DNAH7: variants seen among roughly 807,000 people sequenced by gnomAD.
DNAH7 encodes the protein axonemal beta dynein heavy chain 7.
In DNAH7, 397 loss-of-function variants were observed where a neutral mutation model predicts 444.6. The observed-to-expected ratio is 0.89, with a 90% CI of 0.82 to 0.97. The LOEUF (loss-of-function observed/expected upper bound fraction) is 0.97, where lower values mean the gene tolerates loss of function less well. Among genes scored for constraint, DNAH7 ranks in the 50% least tolerant of loss-of-function variants. The pLI, the probability that DNAH7 is intolerant of heterozygous loss-of-function variation, is 0.00. For synonymous variants in DNAH7, 1,636 were observed against 1,624.4 expected (o/e 1.01, Z -0.17); for missense variants, 4,902 against 4,800.8 (o/e 1.02, Z -0.62).
At chr2:196,005,737 A>G (rs556171458) in intron 10 of DNAH7, among the ~76,000 whole-genome samples, 1 of 152,312 alleles carries the variant, frequency 6.6e-6, no homozygotes, top group Non-Finnish European at 1.5e-5. Context: ...CAAACCTTCC[A>G]GGAAAAAAAG....
At chr2:195,787,780 G>A (rs1376182992) in intron 57 of DNAH7, among the ~76,000 whole-genome samples, 1 of 152,110 alleles carries the variant, frequency 6.6e-6, no homozygotes, top group Non-Finnish European at 1.5e-5. Context: ...TGCAGCTGGG[G>A]CAGGGTGGAA....
intron 48 of DNAH7, among the ~76,000 whole-genome samples, chr2:195,833,918 C>T (rs1175303577): frequency 6.6e-6 from 1 of 152,066 alleles, no homozygotes; most frequent in Non-Finnish European, 1.5e-5. Context: ...GCACACCTGG[C>T]TAATGTCTGT....
chr2:196,007,919 A>C (rs1358688265), intron 10 of DNAH7, among the ~76,000 whole-genome samples: 2 of 152,202 alleles, frequency 1.3e-5, no homozygotes, highest in African/African-American at 2.4e-5. Context: ...CAACCAAAGA[A>C]AAAACATAAA....
chr2:195,857,697 C>T lies in DNAH7; in HGVS notation c.8094G>A (p.Lys2698=), dbSNP rs1699790466. 8 of 1,608,622 alleles carry T rather than the reference C, an allele frequency of 5.0e-6. No individual in the cohort carries two copies. The highest frequency in any genetic ancestry group is 1.7e-4 in the Middle Eastern group (1 of 6,054). The change falls in exon 44 of 65, where the codon AAG becomes AAA. Residue 2698 remains lysine, a synonymous_variant. Transcript: ENST00000312428. ...AQDITVVKSM[K]SPPAGVKLVM... is the part of the protein sequence containing the mutation. ...CAAGCTTGACACCAGCAGGAGGACT[C>T]TTCATGGATTTTACCACTGTAATAT...
chr2:195,809,730 G>A lies in DNAH7; in HGVS notation c.9888+15C>T. The stretch of plus-strand genomic sequence containing the variant: ...TATTAAGGGTTTTTTTCTTACAAAT[G>A]AAAACAGTACTGACCGCCCGCTCAT... On this transcript the variant is annotated intron_variant, in intron 52 of 64. Transcript: ENST00000312428. 6.6e-7 allele frequency: 1 copy of A among 1,516,286 alleles called. No individual in the cohort carries two copies. Among genetic ancestry groups the A allele is most frequent in the East Asian group, 2.4e-5 (1 of 41,744 alleles). 93.9% of individuals were successfully genotyped at this position (1,516,286 alleles called of 1,614,324 possible).
In DNAH7 at chr2:195,754,338, A is replaced by G. The variant is rs1693963317; in HGVS notation, c.11763T>C (p.Asp3921=). The change falls in exon 63 of 65, where the codon GAT becomes GAC. Residue 3921 remains aspartate (D), a splice_region_variant and synonymous_variant. Transcript: ENST00000312428. ...EDKEYKHPPE[D]GVFIHGLFLD... is the part of the protein sequence containing the mutation. ...GACTCATTCTGTCCCTGCACTTACCATCCTCAGGAGGATGCTTGTATTCTT... is the reference window on the plus strand; with the variant it reads ...GACTCATTCTGTCCCTGCACTTACCGTCCTCAGGAGGATGCTTGTATTCTT... 6.2e-7 allele frequency: 1 copy of G among 1,613,616 alleles called. No homozygotes were observed. Among genetic ancestry groups the G allele is most frequent in the Admixed American group, 1.7e-5 (1 of 59,982 alleles).
At chr2:196,068,436 G>T (rs924226798) in intron 1 of DNAH7, 17 of 546,910 alleles carry the variant, frequency 3.1e-5, no homozygotes, top group African/African-American at 3.1e-4. Context: ...GGTGCTCTGG[G>T]CTGTGGCTCC....
At chr2:195,813,685 A>T (rs1574482318) in intron 51 of DNAH7, among the ~76,000 whole-genome samples, 1 of 152,260 alleles carries the variant, frequency 6.6e-6, no homozygotes, top group East Asian at 1.9e-4. Flanking sequence ...AGGGGGTGAG[A>T]TTCCTCTCTG....
intron 15 of DNAH7, among the ~76,000 whole-genome samples, chr2:195,978,515 GA>G (rs1692349083): frequency 6.6e-6 from 1 of 151,908 alleles, no homozygotes; most frequent in African/African-American, 2.4e-5. Context: ...AAAACAACCA[GA>G]AAACAAATGA....
rs186027776 is a variant in DNAH7, at chr2:195,767,063, T to C, written c.11433+4597A>G. Among the ~76,000 whole-genome samples, 473 of 152,214 alleles carry C rather than the reference T, an allele frequency of 3.1e-3. 4 individuals are homozygous for C. Among genetic ancestry groups the C allele is most frequent in the African/African-American group, 0.011 (449 of 41,576 alleles). ...ATTTCATTAATTTGTCTTTATTTTA[T>C]TATGCTTTTTGTTTTTCTAACATAT... On this transcript the variant is annotated intron_variant, in intron 61 of 64. Coordinates refer to ENST00000312428, the MANE Select transcript of DNAH7 (RefSeq NM_018897.3).
In DNAH7 at chr2:195,852,128, G is replaced by A. The variant is rs1034870802; in HGVS notation, c.8781+1215C>T. ...AAAAAATTAGCCAGGCGTGGTGGCG[G>A]GCACCTGTAGTCCCAGCTACTTGGG... On this transcript the variant is annotated intron_variant, in intron 46 of 64. Coordinates refer to ENST00000312428, the MANE Select transcript of DNAH7 (RefSeq NM_018897.3). 3.9e-5 allele frequency among the ~76,000 whole-genome samples: 6 copies of A among 151,968 alleles called. No individual in the cohort carries two copies. In the South Asian group the frequency reaches 1.0e-3, roughly 26 times the overall value.
At chr2:195,969,089 C>T (rs943311272) in intron 17 of DNAH7, among the ~76,000 whole-genome samples, 7 of 152,212 alleles carry the variant, frequency 4.6e-5, no homozygotes, top group East Asian at 1.9e-4. Context: ...AACCAGGTAA[C>T]GTGATTGCTC....
chr2:195,894,710 C>G (rs1212237601), intron 30 of DNAH7: 3 of 239,282 alleles, frequency 1.3e-5, no homozygotes, highest in Non-Finnish European at 2.4e-5. Context: ...TTTCTGTTTT[C>G]AGACTTTTTT....
At chr2:195,926,284 T>C in intron 22 of DNAH7, 142 bp downstream of exon 22, 1 of 742,572 alleles carries the variant, frequency 1.3e-6, no homozygotes, top group Non-Finnish European at 1.9e-6. Context: ...AATTTTTATT[T>C]AAAAAATCTG....
intron 27 of DNAH7, 79 bp from the exon 28 acceptor site, chr2:195,900,573 C>G: frequency 7.6e-7 from 1 of 1,316,776 alleles, no homozygotes; most frequent in East Asian, 2.3e-5. Context: ...ACCACACGCT[C>G]TCACTAATAT....
At chr2:195,895,280 TA>T in intron 29 of DNAH7, 56 bp from the exon 30 acceptor site, 1 of 1,194,566 alleles carries the variant, frequency 8.4e-7, no homozygotes, top group South Asian at 2.0e-5. Context: ...TAAATACAAA[TA>T]TTTTGTATTG....
chr2:195,901,089 G>C (rs946173177), intron 27 of DNAH7: 1 of 151,954 alleles, frequency 6.6e-6, no homozygotes, highest in Non-Finnish European at 1.5e-5. Flanking sequence ...AATGTTCATA[G>C]TCCATTAATA....
intron 15 of DNAH7, among the ~76,000 whole-genome samples, chr2:195,974,882 C>T (rs1025829788): frequency 6.6e-6 from 1 of 151,808 alleles, no homozygotes; most frequent in African/African-American, 2.4e-5. Context: ...AAAATTGGTT[C>T]TAATGATTTT....
intron 10 of DNAH7, among the ~76,000 whole-genome samples, chr2:196,010,733 T>C (rs912998760): frequency 2.0e-5 from 3 of 152,106 alleles, no homozygotes; most frequent in Admixed American, 6.6e-5. Context: ...GTGTGTATAG[T>C]ATATAAAATG....
Sources: allele counts gnomAD v4.1 joint callset (sites outside exome capture counted in the v4.1 genomes callset), GRCh38; gene constraint gnomAD v4.1.1; transcripts MANE v1.5; gene names NCBI Gene and HGNC (gene_info 2026-07-23, HGNC 2026-07-21).